The following MIPEP variants were observed in gnomAD, a reference collection of about 807,000 sequenced individuals.
The protein encoded by MIPEP is mitochondrial intermediate peptidase.
In MIPEP, 79 loss-of-function variants were observed where a neutral mutation model predicts 90.3. The ratio of observed to expected loss-of-function variants is 0.87; its 90% CI spans 0.73 to 1.05. The LOEUF (loss-of-function observed/expected upper bound fraction) is 1.05, where lower values mean the gene tolerates loss of function less well. MIPEP is among the 50% of genes least tolerant of loss of function. The pLI, the probability that MIPEP is intolerant of heterozygous loss-of-function variation, is 0.00. For synonymous variants in MIPEP, 334 were observed against 315.8 expected, an observed-to-expected ratio of 1.06 and a Z score of -0.61; for missense variants, 940 against 905.6, an observed-to-expected ratio of 1.04 and a Z score of -0.49.
At chr13:23,819,981 C>T (rs1406213308) in intron 14 of MIPEP, among the ~76,000 whole-genome samples, 1 of 151,658 alleles carries the variant, frequency 6.6e-6, no homozygotes, top group Non-Finnish European at 1.5e-5. Flanking sequence ...TGCACTCCAG[C>T]CTGGGTGACA....
intron 14 of MIPEP, among the ~76,000 whole-genome samples, chr13:23,821,042 T>C (rs756329448): frequency 9.8e-5 from 15 of 152,302 alleles, no homozygotes; most frequent in Non-Finnish European, 1.9e-4. Flanking sequence ...CCTGCAACAT[T>C]TTCTTTTTCC....
chr13:23,868,520 TGG>T (rs1870642976), intron 7 of MIPEP, among the ~76,000 whole-genome samples: 1 of 151,888 alleles, frequency 6.6e-6, no homozygotes, highest in African/African-American at 2.4e-5. Context: ...TGTCGGTGAG[TGG>T]AATGTCTAAC....
rs778171693 is a variant in MIPEP, at chr13:23,879,297, T to G, written c.510A>C (p.Lys170Asn). ...TTTCTGGATCAAGGGAATCCACAAG[T>G]TTTTTATCAGCTAGTAATTTTTGCA... ...QSLQKLLADK[K>N]LVDSLDPETR... Residue 170 changes from lysine to asparagine, a missense_variant, in exon 4 of 19, where the codon AAA becomes AAC. Physicochemically the swap from Lys to Asn is moderately conservative, Grantham distance 94. Transcript: ENST00000382172. 3.7e-6 allele frequency: 6 copies of G among 1,606,554 alleles called. 1 individual carries two copies. In the South Asian group the frequency reaches 6.6e-5, roughly 18 times the overall value.
chr13:23,862,052 T>C (rs905615012), intron 9 of MIPEP, among the ~76,000 whole-genome samples: 22 of 152,220 alleles, frequency 1.4e-4, no homozygotes, highest in African/African-American at 5.1e-4. Flanking sequence ...TTTGCATGAA[T>C]ATATACACAT....
intron 16 of MIPEP, among the ~76,000 whole-genome samples, chr13:23,798,793 T>C (rs1243092575): frequency 6.6e-6 from 1 of 152,064 alleles, no homozygotes; most frequent in African/African-American, 2.4e-5. Context: ...CTGCCATGAG[T>C]GTAAACTTCC....
chr13:23,848,887 T>A (rs1458090230), intron 10 of MIPEP, among the ~76,000 whole-genome samples: 2 of 152,066 alleles, frequency 1.3e-5, no homozygotes, highest in Non-Finnish European at 2.9e-5. Context: ...AGGAGAGAGG[T>A]CCAGAGAGGG....
chr13:23,759,895 G>A (rs1952522062), intron 17 of MIPEP, among the ~76,000 whole-genome samples: 1 of 152,164 alleles, frequency 6.6e-6, no homozygotes, highest in African/African-American at 2.4e-5. Flanking sequence ...GATGTCCAGG[G>A]CCACCGGTCA....
At chr13:23,740,953 C>T (rs191197724) in intron 18 of MIPEP, among the ~76,000 whole-genome samples, 2 of 152,278 alleles carry the variant, frequency 1.3e-5, no homozygotes, top group African/African-American at 2.4e-5. Context: ...ACTGGGTGTC[C>T]AAGGCTGCCC....
intron 16 of MIPEP, among the ~76,000 whole-genome samples, chr13:23,798,931 T>C (rs943538518): frequency 6.6e-6 from 1 of 151,778 alleles, no homozygotes. Context: ...TGTAGCAACG[T>C]GAGAATGGAT....
intron 16 of MIPEP, among the ~76,000 whole-genome samples, chr13:23,765,011 T>G (rs992189065): frequency 6.6e-6 from 1 of 152,244 alleles, no homozygotes; most frequent in Non-Finnish European, 1.5e-5. Context: ...TGTGGATTTC[T>G]TTCAATGAAT....
At chr13:23,860,997 C>T (rs899191091) in intron 9 of MIPEP, among the ~76,000 whole-genome samples, 2 of 152,096 alleles carry the variant, frequency 1.3e-5, no homozygotes, top group African/African-American at 4.8e-5. Flanking sequence ...GTGGAGCTCA[C>T]CCCAGTTTTT....
intron 14 of MIPEP, among the ~76,000 whole-genome samples, chr13:23,828,787 T>A (rs1025883110): frequency 2.6e-5 from 4 of 152,222 alleles, no homozygotes; most frequent in African/African-American, 4.8e-5. Flanking sequence ...TACCAGAATT[T>A]TTCAAAAATT....
At chr13:23,753,663 G>A (rs1193199856) in intron 18 of MIPEP, among the ~76,000 whole-genome samples, 3 of 152,214 alleles carry the variant, frequency 2.0e-5, no homozygotes, top group Admixed American at 6.5e-5. Flanking sequence ...GAAAGTAGAG[G>A]AATCCTGTGT....
At chr13:23,880,353 C>T (rs1230282873) in intron 3 of MIPEP, among the ~76,000 whole-genome samples, 1 of 152,154 alleles carries the variant, frequency 6.6e-6, no homozygotes, top group African/African-American at 2.4e-5. Context: ...TGCTCACCCA[C>T]GGAGCCACTC....
At chr13:23,798,792 G>A (rs1314280129) in intron 16 of MIPEP, among the ~76,000 whole-genome samples, 1 of 152,028 alleles carries the variant, frequency 6.6e-6, no homozygotes, top group Non-Finnish European at 1.5e-5. Flanking sequence ...TCTGCCATGA[G>A]TGTAAACTTC....
chr13:23,808,106 G>GT (rs397948305), intron 15 of MIPEP, among the ~76,000 whole-genome samples: 2,709 of 142,928 alleles, frequency 0.019, 84 homozygotes, highest in African/African-American at 0.064. Context: ...TTTTTTTTTT[G>GT]TTTTTTTTTT....
At chr13:23,764,376 T>C (rs1952574423) in intron 16 of MIPEP, among the ~76,000 whole-genome samples, 1 of 152,160 alleles carries the variant, frequency 6.6e-6, no homozygotes, top group African/African-American at 2.4e-5. Context: ...CATTTTTACT[T>C]GCCTATAGCC....
intron 7 of MIPEP, among the ~76,000 whole-genome samples, chr13:23,866,348 C>G (rs561526367): frequency 5.3e-5 from 8 of 152,192 alleles, no homozygotes; most frequent in African/African-American, 1.9e-4. Context: ...GGACCCAGAG[C>G]ACATCTTACG....
intron 10 of MIPEP, among the ~76,000 whole-genome samples, chr13:23,850,596 A>C (rs1414166514): frequency 6.6e-6 from 1 of 152,230 alleles, no homozygotes; most frequent in Non-Finnish European, 1.5e-5. Context: ...AAGACAGTAC[A>C]ATTCCATCAT....
Sources: allele counts gnomAD v4.1 joint callset (sites outside exome capture counted in the v4.1 genomes callset), GRCh38; gene constraint gnomAD v4.1.1; transcripts MANE v1.5; gene names NCBI Gene and HGNC (gene_info 2026-07-23, HGNC 2026-07-21).